The following ZC3H11A variants were observed in gnomAD, a reference collection of about 807,000 sequenced individuals.
ZC3H11A encodes the protein zinc finger CCCH domain-containing protein 11A.
In ZC3H11A, 22 loss-of-function variants were observed where a neutral mutation model predicts 90.8. The observed-to-expected ratio is 0.24, with a 90% CI of 0.17 to 0.35. The LOEUF (loss-of-function observed/expected upper bound fraction) is 0.35, where lower values mean the gene tolerates loss of function less well. Among genes scored for constraint, ZC3H11A ranks in the 10% least tolerant of loss-of-function variants. The pLI is 1.00. For synonymous variants in ZC3H11A, 294 were observed against 339.8 expected (o/e 0.87, Z 1.48); for missense variants, 701 against 964.9 (o/e 0.73, Z 3.62).
chr1:203,822,049 G>C (rs1306331389), intron 4 of ZC3H11A, among the ~76,000 whole-genome samples: 2 of 151,986 alleles, frequency 1.3e-5, no homozygotes, highest in African/African-American at 4.8e-5. Flanking sequence ...GAGCCACCGT[G>C]CCTGGCCCTA....
chr1:203,817,995 C>G (rs1676937215), intron 3 of ZC3H11A, among the ~76,000 whole-genome samples: 1 of 152,042 alleles, frequency 6.6e-6, no homozygotes, highest in Non-Finnish European at 1.5e-5. Context: ...GATCTGCCCG[C>G]CTCGGCCTCC....
chr1:203,848,166 C>G (rs2103414256), intron 13 of ZC3H11A, among the ~76,000 whole-genome samples, 165 bp from the exon 14 acceptor site: 1 of 152,214 alleles, frequency 6.6e-6, no homozygotes, highest in South Asian at 2.1e-4. Context: ...CCAACCTTTG[C>G]TATTTTAATG....
chr1:203,811,335 A>C (rs1306340714), intron 2 of ZC3H11A, among the ~76,000 whole-genome samples: 1 of 152,068 alleles, frequency 6.6e-6, no homozygotes, highest in Non-Finnish European at 1.5e-5. Flanking sequence ...AAATAAATAA[A>C]ATTAGTTGCC....
At chr1:203,827,987 C>T (rs10494846) in intron 4 of ZC3H11A, among the ~76,000 whole-genome samples, 2 of 152,038 alleles carry the variant, frequency 1.3e-5, no homozygotes, top group Non-Finnish European at 2.9e-5. Context: ...AGATTCAGAC[C>T]GTTATCTTTG....
At chr1:203,813,428 T>G (rs902296852) in intron 2 of ZC3H11A, among the ~76,000 whole-genome samples, 1 of 152,198 alleles carries the variant, frequency 6.6e-6, no homozygotes, top group Non-Finnish European at 1.5e-5. Context: ...GTATTTAAGT[T>G]GTTATCCATG....
intron 2 of ZC3H11A, among the ~76,000 whole-genome samples, chr1:203,810,962 C>T (rs1445853351): frequency 3.4e-5 from 5 of 148,880 alleles, no homozygotes; most frequent in Non-Finnish European, 4.4e-5. Flanking sequence ...GAAACTCCAT[C>T]TCTACTAAAA....
At chr1:203,851,968 CAAAAAAAAAAAAA>C (rs57160781) in intron 17 of ZC3H11A, among the ~76,000 whole-genome samples, 160 bp from the exon 18 acceptor site, 4 of 45,842 alleles carry the variant, frequency 8.7e-5, no homozygotes, top group Non-Finnish European at 1.1e-4. Flanking sequence ...GACTCTGCCT[CAAAAAAAAAAAAA>C]AAAAAAAAAA....
At chr1:203,796,478 C>T (rs1668541323) in intron 1 of ZC3H11A, 6 of 398,920 alleles carry the variant, frequency 1.5e-5, no homozygotes, top group East Asian at 1.1e-4. Context: ...TGAAGAACAC[C>T]CCTAAACTCC....
At chr1:203,809,808 G>A (rs1398059081) in intron 2 of ZC3H11A, among the ~76,000 whole-genome samples, 2 of 152,012 alleles carry the variant, frequency 1.3e-5, no homozygotes, top group African/African-American at 4.8e-5. Flanking sequence ...ACAAAAATTA[G>A]CCAGGCATGG....
chr1:203,838,132 G>A, intron 11 of ZC3H11A, 68 bp downstream of exon 11: 1 of 1,429,608 alleles, frequency 7.0e-7, no homozygotes, highest in Non-Finnish European at 9.7e-7. Context: ...AATGCTAACA[G>A]CTATGGTTTT....
At position 203,849,528 on chromosome 1, in the gene ZC3H11A, A is replaced by G. The variant is rs183498003; in HGVS notation, c.1624-183A>G. ...ATCTGGGTTTTTTATTATTCCATAC[A>G]TCTGTAATTCTAATCTTTCATCTTT... On this transcript the variant is annotated intron_variant, in intron 14 of 17. Coordinates refer to ENST00000367210, the MANE Select transcript of ZC3H11A (RefSeq NM_001376342.1). Among the ~76,000 whole-genome samples the G allele has an allele frequency of 2.2e-3, 332 of 152,286 alleles. 1 individual carries two copies. The highest frequency in any genetic ancestry group is 0.02 in the Middle Eastern group (6 of 294).
At chr1:203,838,422 T>G (rs1031631041) in intron 11 of ZC3H11A, among the ~76,000 whole-genome samples, 8 of 152,202 alleles carry the variant, frequency 5.3e-5, no homozygotes, top group Non-Finnish European at 1.0e-4. Flanking sequence ...ATGTTAAAGT[T>G]TAGACCTAAG....
At position 203,853,141 on chromosome 1, in the gene ZC3H11A, A is replaced by T. The variant is rs1016807288; in HGVS notation, c.*742A>T. ...ATTCATTATATGAGATGGTGACATG[A>T]TTAGAGGAATTCTTTTTTAGTATGA... On this transcript the variant is annotated 3_prime_UTR_variant, in exon 18 of 18. Coordinates refer to ENST00000367210, the MANE Select transcript of ZC3H11A (RefSeq NM_001376342.1). 2.0e-5 allele frequency: 3 copies of T among 151,672 alleles called. No homozygotes were observed. Among genetic ancestry groups the T allele is most frequent in the African/African-American group, 7.3e-5 (3 of 41,182 alleles). 9.4% of individuals were successfully genotyped at this position (151,672 alleles called of 1,614,324 possible).
intron 1 of ZC3H11A, chr1:203,799,938 TCACCAGAGA>T: frequency 6.5e-7 from 1 of 1,536,148 alleles, no homozygotes; most frequent in South Asian, 1.2e-5. Flanking sequence ...TATGGAATCT[TCACCAGAGA>T]TCTGCCAAAT....
At chr1:203,836,018 A>G (rs1684212767) in intron 10 of ZC3H11A, 1 of 154,340 alleles carries the variant, frequency 6.5e-6, no homozygotes, top group South Asian at 2.0e-4. Flanking sequence ...TAGAGTACAA[A>G]CCAAACCAGG....
At chr1:203,800,373 G>A (rs1197152430) in intron 1 of ZC3H11A, 3 of 978,760 alleles carry the variant, frequency 3.1e-6, no homozygotes, top group Non-Finnish European at 1.6e-6. Context: ...CTTGAAAAAT[G>A]TTAACTACGA....
chr1:203,797,253 T>G, intron 1 of ZC3H11A: 1 of 240,436 alleles, frequency 4.2e-6, no homozygotes, highest in Non-Finnish European at 8.0e-6. Flanking sequence ...CTTACTTCTG[T>G]AACATGAGGA....
At chr1:203,841,161 T>TA (rs1320585865) in intron 12 of ZC3H11A, among the ~76,000 whole-genome samples, 19 of 151,060 alleles carry the variant, frequency 1.3e-4, no homozygotes, top group African/African-American at 3.4e-4. Flanking sequence ...TTTTTTATTT[T>TA]TTTTTTTAGT....
At chr1:203,804,346 G>T (rs1343024682) in intron 2 of ZC3H11A, among the ~76,000 whole-genome samples, 2 of 151,812 alleles carry the variant, frequency 1.3e-5, no homozygotes, top group African/African-American at 4.8e-5. Context: ...TAGAGACGGG[G>T]TTTCACCGTG....
Sources: gnomAD v4.1 joint callset for allele counts (sites outside exome capture counted in the v4.1 genomes callset) on GRCh38, gnomAD v4.1.1 for gene constraint, MANE v1.5 for transcripts, NCBI Gene and HGNC (gene_info 2026-07-23, HGNC 2026-07-21) for gene names.